Variants in ITPR2 observed in about 807,000 individuals in gnomAD.
ITPR2 encodes the protein inositol 1,4,5-trisphosphate receptor type 2, also known as inositol 1,4,5-trisphosphate-gated calcium channel ITPR2.
ITPR2 carries 207 observed loss-of-function variants against 317.1 expected under a neutral mutation model. The observed-to-expected ratio is 0.65, with a 90% CI of 0.58 to 0.73. The LOEUF is 0.73. Among genes scored for constraint, ITPR2 ranks in the 30% least tolerant of loss-of-function variants. The pLI is 0.00. For missense variants in ITPR2, 2,613 were observed against 3,284.0 expected (o/e 0.80, Z 4.99); for synonymous variants, 1,156 against 1,149.1 (o/e 1.01, Z -0.12).
intron 48 of ITPR2, among the ~76,000 whole-genome samples, chr12:26,434,528 A>G (rs1180232904): frequency 2.6e-5 from 4 of 152,226 alleles, no homozygotes; most frequent in African/African-American, 4.8e-5. Flanking sequence ...GAGCCTACAT[A>G]CATTGGCTCT....
intron 1 of ITPR2, among the ~76,000 whole-genome samples, chr12:26,804,959 T>G (rs1395312971): frequency 6.6e-6 from 1 of 152,060 alleles, no homozygotes; most frequent in Non-Finnish European, 1.5e-5. Context: ...GGTCTTGAAC[T>G]CCTGGGCTCA....
intron 55 of ITPR2, among the ~76,000 whole-genome samples, chr12:26,364,705 T>G (rs901837): frequency 7.9e-5 from 12 of 152,102 alleles, no homozygotes; most frequent in Admixed American, 1.3e-4. Flanking sequence ...TACACTGACC[T>G]GCCATCATGT....
In ITPR2 at chr12:26,657,350, T is replaced by G. The variant is rs866596805; in HGVS notation, c.2192+357A>C. On this transcript the variant is annotated intron_variant, in intron 18 of 56. Transcript: ENST00000381340. ...TGGCTTACTTGCTCTGAGCTACCCT[T>G]GTAGCCAGATCAATTTCCTTAGCTC... 5.3e-5 allele frequency among the ~76,000 whole-genome samples: 8 copies of G among 152,322 alleles called. No individual in the cohort carries two copies. The South Asian group carries it at 1.5e-3, about 28-fold the overall frequency.
intron 37 of ITPR2, among the ~76,000 whole-genome samples, chr12:26,496,621 T>C (rs959199540): frequency 1.3e-5 from 2 of 152,156 alleles, no homozygotes; most frequent in African/African-American, 2.4e-5. Flanking sequence ...GAACAGAATA[T>C]TCCTTCTCTT....
intron 37 of ITPR2, among the ~76,000 whole-genome samples, chr12:26,516,769 T>A (rs986592570): frequency 6.6e-6 from 1 of 151,876 alleles, no homozygotes; most frequent in Non-Finnish European, 1.5e-5. Flanking sequence ...AATAAATAAT[T>A]GGAAGGGACA....
At chr12:26,560,729 T>C (rs1944793943) in intron 35 of ITPR2, among the ~76,000 whole-genome samples, 2 of 152,204 alleles carry the variant, frequency 1.3e-5, no homozygotes, top group Non-Finnish European at 2.9e-5. Flanking sequence ...AATGGCATTT[T>C]CCCCAAAATT....
chr12:26,505,766 A>G (rs917743035), intron 37 of ITPR2, among the ~76,000 whole-genome samples: 1 of 152,132 alleles, frequency 6.6e-6, no homozygotes, highest in South Asian at 2.1e-4. Context: ...TACTCAATAA[A>G]TATTTTTGAC....
Position 26,381,897 on chromosome 12 carries a change from T to C in ITPR2, c.7857+5537A>G, listed in dbSNP as rs143933242. On this transcript the variant is annotated intron_variant, in intron 55 of 56. Transcript: ENST00000381340. Reference sequence around the variant, plus strand: ...GGTTTGGATCCTGCTATTTTTCAAATTAAGTACAAATATCCGTTAATATAC... The same window carrying C: ...GGTTTGGATCCTGCTATTTTTCAAACTAAGTACAAATATCCGTTAATATAC... Among the ~76,000 whole-genome samples the C allele has an allele frequency of 1.9e-3, 296 of 152,308 alleles. 1 individual carries two copies. The highest frequency in any genetic ancestry group is 6.7e-3 in the African/African-American group (280 of 41,564).
At chr12:26,754,560 T>G (rs1370762259) in intron 2 of ITPR2, among the ~76,000 whole-genome samples, 1 of 152,224 alleles carries the variant, frequency 6.6e-6, no homozygotes, top group Non-Finnish European at 1.5e-5. Context: ...GTGAAATGTG[T>G]TTTTGGTAAA....
chr12:26,379,804 A>G (rs1939451080), intron 55 of ITPR2, among the ~76,000 whole-genome samples: 1 of 152,222 alleles, frequency 6.6e-6, no homozygotes, highest in Non-Finnish European at 1.5e-5. Context: ...TACAGAGGAG[A>G]TAAGTAAAGT....
intron 37 of ITPR2, among the ~76,000 whole-genome samples, chr12:26,498,628 T>A (rs937641396): frequency 8.5e-5 from 13 of 152,128 alleles, no homozygotes; most frequent in African/African-American, 2.9e-4. Context: ...TATTCATGGA[T>A]CTCACCTCTA....
chr12:26,766,273 C>G (rs1949717836), intron 2 of ITPR2, among the ~76,000 whole-genome samples: 1 of 152,000 alleles, frequency 6.6e-6, no homozygotes, highest in African/African-American at 2.4e-5. Context: ...ATCTCCACAT[C>G]CTGGATAATA....
At chr12:26,551,610 C>T (rs1420315224) in intron 36 of ITPR2, among the ~76,000 whole-genome samples, 1 of 152,184 alleles carries the variant, frequency 6.6e-6, no homozygotes, top group Non-Finnish European at 1.5e-5. Context: ...ATGCTGTGAA[C>T]CAGACATGAA....
chr12:26,599,178 A>C lies in ITPR2; in HGVS notation c.3969T>G (p.Tyr1323Ter). The C allele has an allele frequency of 6.2e-7, 1 of 1,614,134 alleles. No homozygotes were observed. Among genetic ancestry groups the C allele is most frequent in the Non-Finnish European group, 8.5e-7 (1 of 1,179,954 alleles). ...TTACCATATCCTGGCATTTCTTCAC[A>C]TATTTACCATCTGCTTTTACAATTG... ...LQTIVKADGK[Y>*]VKKCQDMVMT... is the part of the protein sequence containing the mutation. The change falls in exon 30 of 57, where the codon TAT becomes TAG. Residue 1323 changes from tyrosine to a stop codon, truncating the protein, a stop_gained. Transcript: ENST00000381340. LOFTEE classifies it high-confidence loss of function.
chr12:26,565,547 T>C (rs567077851), intron 34 of ITPR2, among the ~76,000 whole-genome samples: 163 of 149,088 alleles, frequency 1.1e-3, no homozygotes, highest in African/African-American at 3.7e-3. Context: ...GACAGATAGA[T>C]AGATAATCTG....
At chr12:26,419,911 A>T (rs1199416094) in intron 49 of ITPR2, 1 of 152,100 alleles carries the variant, frequency 6.6e-6, no homozygotes, top group Non-Finnish European at 1.5e-5. Context: ...ATATAAATGT[A>T]CTTATATACC....
At chr12:26,624,256 T>C (rs1357346980) in intron 24 of ITPR2, 43 bp downstream of exon 24, 1 of 1,271,254 alleles carries the variant, frequency 7.9e-7, no homozygotes, top group South Asian at 1.2e-5. Flanking sequence ...CTAAGTAAAA[T>C]GTTATTCACA....
chr12:26,469,374 T>C (rs1478406579), intron 45 of ITPR2, among the ~76,000 whole-genome samples: 3 of 152,178 alleles, frequency 2.0e-5, no homozygotes, highest in Non-Finnish European at 4.4e-5. Context: ...CTTTTGTTCC[T>C]TTAAATATGC....
chr12:26,566,333 G>A (rs535925199), intron 34 of ITPR2, among the ~76,000 whole-genome samples: 1 of 140,928 alleles, frequency 7.1e-6, no homozygotes, highest in South Asian at 2.5e-4. Flanking sequence ...AGGAGAGGGA[G>A]AGGAGAAGGA....
Sources: gnomAD v4.1 joint callset for allele counts (sites outside exome capture counted in the v4.1 genomes callset) on GRCh38, gnomAD v4.1.1 for gene constraint, MANE v1.5 for transcripts, NCBI Gene and HGNC (gene_info 2026-07-23, HGNC 2026-07-21) for gene names.